Variants in HCN1 observed in about 807,000 individuals in gnomAD.
HCN1 encodes the protein potassium/sodium hyperpolarization-activated cyclic nucleotide-gated channel 1.
Under a neutral mutation model 78.9 loss-of-function variants are expected in HCN1, and 13 were observed. The ratio of observed to expected loss-of-function variants is 0.16; its 90% CI spans 0.11 to 0.26. The LOEUF (loss-of-function observed/expected upper bound fraction) is 0.26, where lower values mean the gene tolerates loss of function less well. HCN1 is among the 10% of genes least tolerant of loss of function. The probability of loss-of-function intolerance (pLI) is 1.00; values close to 1 mark genes in which losing one functional copy is unlikely to be tolerated. For synonymous variants in HCN1, 552 were observed against 455.5 expected (o/e 1.21, Z -2.70); for missense variants, 810 against 1,154.3 (o/e 0.70, Z 4.32).
At chr5:45,459,238 CA>C (rs1000468683) in intron 3 of HCN1, among the ~76,000 whole-genome samples, 2 of 151,312 alleles carry the variant, frequency 1.3e-5, no homozygotes, top group African/African-American at 2.4e-5. Flanking sequence ...ACCCCCATCT[CA>C]AAAAATAAAA....
At position 45,502,314 on chromosome 5, in the gene HCN1, A is replaced by T. The variant is rs1222704860; in HGVS notation, c.850-40307T>A. 2.6e-5 allele frequency among the ~76,000 whole-genome samples: 4 copies of T among 151,980 alleles called. No homozygotes were observed. In the East Asian group the frequency reaches 7.7e-4, roughly 29 times the overall value. ...GAAACCCCATCTCTACTAAAAAAAA[A>T]AAACAAAACAACAAAAAAATAGCCA... On this transcript the variant is annotated intron_variant, in intron 2 of 7. Coordinates refer to ENST00000303230, the MANE Select transcript of HCN1 (RefSeq NM_021072.4).
chr5:45,670,813 A>G (rs1746136655), intron 1 of HCN1, among the ~76,000 whole-genome samples: 1 of 151,748 alleles, frequency 6.6e-6, no homozygotes, highest in Non-Finnish European at 1.5e-5. Flanking sequence ...CTACCATGCA[A>G]TAAATTACAG....
intron 1 of HCN1, among the ~76,000 whole-genome samples, chr5:45,656,238 T>C (rs1359115070): frequency 6.6e-6 from 1 of 152,098 alleles, no homozygotes; most frequent in African/African-American, 2.4e-5. Flanking sequence ...GTTCCGGGGG[T>C]TGCATGGCAC....
At chr5:45,481,113 T>C (rs1741641956) in intron 2 of HCN1, among the ~76,000 whole-genome samples, 1 of 152,194 alleles carries the variant, frequency 6.6e-6, no homozygotes, top group South Asian at 2.1e-4. Context: ...GAAGCCTACA[T>C]TTTAAAAAGG....
chr5:45,478,144 ACT>A (rs1741560247), intron 2 of HCN1, among the ~76,000 whole-genome samples: 2 of 151,996 alleles, frequency 1.3e-5, no homozygotes, highest in Non-Finnish European at 2.9e-5. Flanking sequence ...ACAATGAGAC[ACT>A]CTGTCAAAAA....
intron 5 of HCN1, among the ~76,000 whole-genome samples, chr5:45,313,467 C>T (rs1745904827): frequency 6.6e-6 from 1 of 152,214 alleles, no homozygotes; most frequent in Non-Finnish European, 1.5e-5. Flanking sequence ...CACCTCTCCT[C>T]CTCCAAAGGA....
At chr5:45,346,777 G>A (rs1344253705) in intron 5 of HCN1, among the ~76,000 whole-genome samples, 2 of 152,210 alleles carry the variant, frequency 1.3e-5, no homozygotes, top group African/African-American at 4.8e-5. Context: ...ACAGCAATCT[G>A]AGATCAAACT....
chr5:45,537,203 TTC>T (rs1382019278), intron 2 of HCN1, among the ~76,000 whole-genome samples: 1 of 152,174 alleles, frequency 6.6e-6, no homozygotes, highest in Non-Finnish European at 1.5e-5. Flanking sequence ...AAGGTGCAGT[TTC>T]TGTCTTTTCC....
chr5:45,313,955 C>T (rs777460772), intron 5 of HCN1, among the ~76,000 whole-genome samples: 2 of 152,126 alleles, frequency 1.3e-5, no homozygotes, highest in Non-Finnish European at 2.9e-5. Flanking sequence ...AGGATATTAT[C>T]CAGGAGAACT....
At chr5:45,611,288 T>C (rs79037142) in intron 2 of HCN1, among the ~76,000 whole-genome samples, 2 of 147,656 alleles carry the variant, frequency 1.4e-5, no homozygotes, top group African/African-American at 5.0e-5. Flanking sequence ...TTTTTTTTTT[T>C]TGAGACGGAG....
intron 1 of HCN1, among the ~76,000 whole-genome samples, chr5:45,689,411 T>G (rs938661394): frequency 1.3e-5 from 2 of 152,134 alleles, no homozygotes; most frequent in African/African-American, 2.4e-5. Context: ...TAGCATGGTT[T>G]AAATTCCAGG....
At chr5:45,332,650 A>G (rs1746368968) in intron 5 of HCN1, among the ~76,000 whole-genome samples, 1 of 151,402 alleles carries the variant, frequency 6.6e-6, no homozygotes, top group Non-Finnish European at 1.5e-5. Context: ...TATCTTTCCC[A>G]GCCTCTGGTA....
chr5:45,484,391 G>T (rs906771005), intron 2 of HCN1, among the ~76,000 whole-genome samples: 1 of 152,110 alleles, frequency 6.6e-6, no homozygotes, highest in African/African-American at 2.4e-5. Flanking sequence ...CCAAGATTGT[G>T]CCACTGCACT....
intron 2 of HCN1, among the ~76,000 whole-genome samples, chr5:45,572,438 A>G (rs572075813): frequency 4.9e-4 from 75 of 152,264 alleles, no homozygotes; most frequent in African/African-American, 1.8e-3. Context: ...ATATAGTGCA[A>G]TCTGCTCAGG....
intron 2 of HCN1, among the ~76,000 whole-genome samples, chr5:45,615,510 A>C (rs1351374725): frequency 6.6e-6 from 1 of 152,010 alleles, no homozygotes; most frequent in African/African-American, 2.4e-5. Context: ...GTAGTGTTTA[A>C]TTGCAAGACT....
chr5:45,323,611 A>T (rs1313363509), intron 5 of HCN1, among the ~76,000 whole-genome samples: 1 of 152,012 alleles, frequency 6.6e-6, no homozygotes, highest in Non-Finnish European at 1.5e-5. Context: ...CATATGCACA[A>T]CGTGCAGGTT....
chr5:45,591,891 T>A (rs1744372071), intron 2 of HCN1, among the ~76,000 whole-genome samples: 1 of 152,208 alleles, frequency 6.6e-6, no homozygotes, highest in Non-Finnish European at 1.5e-5. Flanking sequence ...TTTTCTCCTA[T>A]GTTTTCTTCT....
chr5:45,356,480 C>T (rs1223904548), intron 4 of HCN1, among the ~76,000 whole-genome samples: 2 of 151,936 alleles, frequency 1.3e-5, no homozygotes, highest in Non-Finnish European at 2.9e-5. Context: ...ACCAGTCTCA[C>T]TTTTCCATGT....
intron 5 of HCN1, among the ~76,000 whole-genome samples, chr5:45,331,121 C>T (rs1431297540): frequency 6.6e-6 from 1 of 151,142 alleles, no homozygotes; most frequent in African/African-American, 2.4e-5. Context: ...TTATCTTTGG[C>T]ATTGAACAGG....
Sources: allele counts gnomAD v4.1 joint callset (sites outside exome capture counted in the v4.1 genomes callset), GRCh38; gene constraint gnomAD v4.1.1; transcripts MANE v1.5; gene names NCBI Gene and HGNC (gene_info 2026-07-23, HGNC 2026-07-21).